Variants in KCTD16 observed in about 807,000 individuals in gnomAD.
KCTD16 encodes the protein BTB/POZ domain-containing protein KCTD16.
KCTD16 carries 13 observed loss-of-function variants against 33.2 expected under a neutral mutation model. The observed-to-expected ratio is 0.39, with a 90% CI of 0.25 to 0.62. The LOEUF is 0.62. KCTD16 is among the 20% of genes least tolerant of loss of function. KCTD16 has a pLI of 0.50. For synonymous variants in KCTD16, 197 were observed against 195.3 expected (o/e 1.01, Z -0.07); for missense variants, 441 against 525.1 (o/e 0.84, Z 1.57).
In KCTD16 at chr5:144,477,069, TC is replaced by T. The variant is rs1754610567; in HGVS notation, c.*2958del. ...AATCCAGTGAGCTTTGGGAGATCAT[TC>T]CCTAAAGGTATGTGGGTTGTCTGAA... is the stretch of plus-strand genomic sequence containing the variant. On this transcript the variant is annotated 3_prime_UTR_variant, in exon 4 of 4. Transcript: ENST00000512467. 1 of 152,088 alleles carries T rather than the reference TC, an allele frequency of 6.6e-6. No individual in the cohort carries two copies. The highest frequency in any genetic ancestry group is 6.5e-5 in the Admixed American group (1 of 15,270). 9.4% of individuals were successfully genotyped at this position (152,088 alleles called of 1,614,324 possible).
At chr5:144,249,246 T>G (rs1264906851) in intron 3 of KCTD16, among the ~76,000 whole-genome samples, 1 of 152,190 alleles carries the variant, frequency 6.6e-6, no homozygotes, top group East Asian at 1.9e-4. Flanking sequence ...TGTAATATTC[T>G]TATACTCTTC....
chr5:144,393,616 A>G (rs1483255499), intron 3 of KCTD16, among the ~76,000 whole-genome samples: 1 of 152,104 alleles, frequency 6.6e-6, no homozygotes, highest in African/African-American at 2.4e-5. Context: ...TGTACTTAAG[A>G]AAGCCAAGTC....
intron 3 of KCTD16, among the ~76,000 whole-genome samples, chr5:144,262,512 A>G (rs1230157685): frequency 2.6e-5 from 4 of 152,238 alleles, no homozygotes; most frequent in African/African-American, 4.8e-5. Context: ...TTTTATCTTT[A>G]TCTAATATCA....
In KCTD16 at chr5:144,475,464, G is replaced by C. The variant is rs904635407; in HGVS notation, c.*1350G>C. ...TTACATCCTGACTTGTATAGACACAGCCAAAAAGAAACTGTTAATAGCCAT... is the reference window on the plus strand; with the variant it reads ...TTACATCCTGACTTGTATAGACACACCCAAAAAGAAACTGTTAATAGCCAT... On this transcript the variant is annotated 3_prime_UTR_variant, in exon 4 of 4. Transcript: ENST00000512467. 5 of 152,564 alleles carry C rather than the reference G, an allele frequency of 3.3e-5. No individual in the cohort carries two copies. Among genetic ancestry groups the C allele is most frequent in the African/African-American group, 1.2e-4 (5 of 41,448 alleles). 9.5% of individuals were successfully genotyped at this position (152,564 alleles called of 1,614,324 possible). A position where few individuals can be genotyped will look rare whatever the true frequency, so the allele number is the denominator to read the frequency against.
intron 3 of KCTD16, among the ~76,000 whole-genome samples, chr5:144,346,554 T>G (rs915377886): frequency 4.6e-5 from 7 of 152,240 alleles, no homozygotes; most frequent in African/African-American, 9.6e-5. Flanking sequence ...TAAGCCATTT[T>G]AACTGGAATG....
rs185244568 is a variant in KCTD16 at position 144,184,561 on chromosome 5, A to C, written c.-327+10089A>C. Reference sequence around the variant, plus strand: ...AATTGCCTGATCATATGGTAATTCTATTTCTAATTTTTGAGAAACTGCCAT... The same window carrying C: ...AATTGCCTGATCATATGGTAATTCTCTTTCTAATTTTTGAGAAACTGCCAT... On this transcript the variant is annotated intron_variant, in intron 2 of 3. Transcript: ENST00000512467. Among the ~76,000 whole-genome samples the C allele has an allele frequency of 2.9e-3, 443 of 152,268 alleles. 3 individuals are homozygous for C. Among genetic ancestry groups the C allele is most frequent in the Admixed American group, 8.2e-3 (126 of 15,284 alleles).
chr5:144,233,096 T>C (rs1334976137), intron 3 of KCTD16, among the ~76,000 whole-genome samples: 2 of 151,772 alleles, frequency 1.3e-5, no homozygotes, highest in African/African-American at 4.8e-5. Flanking sequence ...GCAGATCGAG[T>C]CATGGTAGAA....
chr5:144,454,078 T>A (rs1444859583), intron 3 of KCTD16, among the ~76,000 whole-genome samples: 1 of 152,176 alleles, frequency 6.6e-6, no homozygotes, highest in Non-Finnish European at 1.5e-5. Flanking sequence ...CTAATTAGTG[T>A]TCTAGACTGG....
At chr5:144,409,388 G>T (rs1005851333) in intron 3 of KCTD16, among the ~76,000 whole-genome samples, 1 of 152,112 alleles carries the variant, frequency 6.6e-6, no homozygotes, top group African/African-American at 2.4e-5. Context: ...TATACAAGTA[G>T]TTTCTACTGA....
intron 3 of KCTD16, among the ~76,000 whole-genome samples, chr5:144,299,118 A>AC (rs1756153923): frequency 5.1e-5 from 1 of 19,640 alleles, no homozygotes. Context: ...ATATATATAT[A>AC]TATATATATA....
chr5:144,419,166 T>C (rs1240968089), intron 3 of KCTD16, among the ~76,000 whole-genome samples: 1 of 152,196 alleles, frequency 6.6e-6, no homozygotes, highest in East Asian at 1.9e-4. Context: ...ACATATTTCT[T>C]GCTCAGTTTC....
chr5:144,338,565 C>T (rs950678250), intron 3 of KCTD16, among the ~76,000 whole-genome samples: 9 of 152,176 alleles, frequency 5.9e-5, no homozygotes, highest in African/African-American at 1.9e-4. Context: ...ATTTCTTTTA[C>T]TGCCTGATGA....
At chr5:144,457,339 C>G (rs747611413) in intron 3 of KCTD16, among the ~76,000 whole-genome samples, 17 of 152,102 alleles carry the variant, frequency 1.1e-4, no homozygotes, top group Non-Finnish European at 2.2e-4. Context: ...ATGTGCCCCA[C>G]GTGAATGGGA....
chr5:144,250,056 A>G (rs897746292), intron 3 of KCTD16, among the ~76,000 whole-genome samples: 3 of 152,222 alleles, frequency 2.0e-5, no homozygotes, highest in African/African-American at 7.2e-5. Flanking sequence ...TTTAATTTAC[A>G]TACATATTTC....
Position 144,256,414 on chromosome 5 carries a change from G to A in KCTD16, c.832+48868G>A, listed in dbSNP as rs1181547298. Among the ~76,000 whole-genome samples, 4 of 152,118 alleles carry A rather than the reference G, an allele frequency of 2.6e-5. No individual in the cohort carries two copies. In the South Asian group the frequency reaches 8.3e-4, roughly 32 times the overall value. On this transcript the variant is annotated intron_variant, in intron 3 of 3. Transcript: ENST00000512467. Reference sequence around the variant, plus strand: ...ATTAAAGAAAAAATTTGCAAAGTCTGTTGCTAAGAGAAAGACGGTCAAAAC... The same window carrying A: ...ATTAAAGAAAAAATTTGCAAAGTCTATTGCTAAGAGAAAGACGGTCAAAAC...
chr5:144,278,573 C>A (rs1168172194), intron 3 of KCTD16, among the ~76,000 whole-genome samples: 1 of 147,676 alleles, frequency 6.8e-6, no homozygotes, highest in African/African-American at 2.5e-5. Flanking sequence ...TCTTGGCTCA[C>A]TGCAAGCTCC....
intron 3 of KCTD16, among the ~76,000 whole-genome samples, chr5:144,377,418 CCA>C (rs1752118143): frequency 6.6e-6 from 1 of 152,068 alleles, no homozygotes; most frequent in South Asian, 2.1e-4. Context: ...GCTAGAGTAG[CCA>C]GATCTGATAT....
chr5:144,449,314 T>A (rs536775192), intron 3 of KCTD16, among the ~76,000 whole-genome samples: 11 of 151,990 alleles, frequency 7.2e-5, no homozygotes, highest in Non-Finnish European at 1.6e-4. Context: ...ATTGTTAGAA[T>A]GTGCATACTA....
At chr5:144,385,907 G>T (rs1014355597) in intron 3 of KCTD16, among the ~76,000 whole-genome samples, 1 of 151,956 alleles carries the variant, frequency 6.6e-6, no homozygotes, top group African/African-American at 2.4e-5. Flanking sequence ...AAGGCATCAA[G>T]ATTGCCTTTT....
Sources: allele counts gnomAD v4.1 joint callset (sites outside exome capture counted in the v4.1 genomes callset), GRCh38; gene constraint gnomAD v4.1.1; transcripts MANE v1.5; gene names NCBI Gene and HGNC (gene_info 2026-07-23, HGNC 2026-07-21).